PPM1H: variants seen among roughly 807,000 people sequenced by gnomAD.
PPM1H encodes protein phosphatase, Mg2+/Mn2+ dependent 1H.
In PPM1H, 27 loss-of-function variants were observed where a neutral mutation model predicts 54.9. That is an observed-to-expected ratio of 0.49 (90% CI 0.36 to 0.68). The LOEUF (loss-of-function observed/expected upper bound fraction) is 0.68. PPM1H is among the 30% of genes least tolerant of loss of function. PPM1H has a pLI of 0.00. For synonymous variants in PPM1H, 305 were observed against 270.8 expected, an observed-to-expected ratio of 1.13 and a Z score of -1.24; for missense variants, 596 against 667.8, an observed-to-expected ratio of 0.89 and a Z score of 1.19.
chr12:62,757,460 G>T (rs1177337568), intron 4 of PPM1H, among the ~76,000 whole-genome samples: 1 of 152,122 alleles, frequency 6.6e-6, no homozygotes, highest in East Asian at 1.9e-4. Flanking sequence ...GTTGCTTAGG[G>T]TTTAACTTCT....
intron 1 of PPM1H, among the ~76,000 whole-genome samples, chr12:62,920,434 C>T (rs1486287307): frequency 1.3e-5 from 2 of 151,518 alleles, no homozygotes; most frequent in Admixed American, 6.6e-5. Flanking sequence ...TCAGGTGATC[C>T]TCCCACCTCA....
At chr12:62,652,315 T>C (rs77424658) in intron 9 of PPM1H, among the ~76,000 whole-genome samples, 5,764 of 152,244 alleles carry the variant, frequency 0.038, 153 homozygotes, top group Non-Finnish European at 0.054. Flanking sequence ...TGGGGTCAAG[T>C]GATCCTCTCA....
intron 2 of PPM1H, among the ~76,000 whole-genome samples, chr12:62,804,178 G>T (rs529404012): frequency 2.2e-3 from 328 of 152,160 alleles, no homozygotes; most frequent in Middle Eastern, 3.4e-3. Flanking sequence ...CAAGAAAAAA[G>T]AAAAGGCCTA....
At chr12:62,687,939 G>A (rs934500362) in intron 8 of PPM1H, among the ~76,000 whole-genome samples, 10 of 150,934 alleles carry the variant, frequency 6.6e-5, no homozygotes, top group African/African-American at 2.2e-4. Flanking sequence ...AATCTGGGAG[G>A]TGGAGGGTGC....
intron 1 of PPM1H, among the ~76,000 whole-genome samples, chr12:62,845,061 A>G (rs1358960833): frequency 1.3e-5 from 2 of 152,092 alleles, no homozygotes; most frequent in Non-Finnish European, 2.9e-5. Context: ...ATAAGTTCTC[A>G]CCCTATTAAC....
chr12:62,824,052 T>C lies in PPM1H; in HGVS notation c.411+8062A>G, dbSNP rs916975151. On this transcript the variant is annotated intron_variant, in intron 2 of 9. Transcript: ENST00000228705. ...AAGCTGATAGGCAACTTCAGCAAAGTCTCAGGATACAAAATCAATGTACAA... is the reference window on the plus strand; with the variant it reads ...AAGCTGATAGGCAACTTCAGCAAAGCCTCAGGATACAAAATCAATGTACAA... Among the ~76,000 whole-genome samples the C allele has an allele frequency of 1.1e-4, 17 of 150,994 alleles. 1 individual carries two copies. The highest frequency in any genetic ancestry group is 1.3e-4 in the Admixed American group (2 of 15,124).
Position 62,924,885 on chromosome 12 carries a change from T to C in PPM1H, c.245+9607A>G, listed in dbSNP as rs149583472. Among the ~76,000 whole-genome samples, 855 of 151,568 alleles carry C rather than the reference T, an allele frequency of 5.6e-3. 11 individuals are homozygous for C. Among genetic ancestry groups the C allele is most frequent in the African/African-American group, 0.019 (805 of 41,322 alleles). ...GGCAAAACCCCATCTCTACCAAAAA[T>C]ACAAAAAATTAGCCAGGTGTGGTGG... On this transcript the variant is annotated intron_variant, in intron 1 of 9. Coordinates refer to ENST00000228705, the MANE Select transcript of PPM1H (RefSeq NM_020700.2).
At chr12:62,917,051 T>C (rs924459190) in intron 1 of PPM1H, among the ~76,000 whole-genome samples, 6 of 152,260 alleles carry the variant, frequency 3.9e-5, no homozygotes, top group African/African-American at 1.4e-4. Context: ...GCAAGCTTCC[T>C]GGTGCTTTTA....
intron 2 of PPM1H, among the ~76,000 whole-genome samples, chr12:62,802,699 C>T (rs11174655): frequency 7.6e-6 from 1 of 131,956 alleles, no homozygotes; most frequent in African/African-American, 2.5e-5. Flanking sequence ...CATGCCTCAG[C>T]CTCTGGAGTA....
intron 8 of PPM1H, among the ~76,000 whole-genome samples, chr12:62,682,082 T>C (rs2076021560): frequency 1.3e-5 from 2 of 152,316 alleles, no homozygotes; most frequent in South Asian, 4.1e-4. Flanking sequence ...CAGTCTAAGT[T>C]TTTTAACCAC....
chr12:62,659,826 C>T (rs79178170), intron 9 of PPM1H, among the ~76,000 whole-genome samples: 3,030 of 152,280 alleles, frequency 0.02, 78 homozygotes, highest in Non-Finnish European at 0.025. Flanking sequence ...CCCTTCTCAC[C>T]GGCTTTGTTC....
At chr12:62,718,524 T>C (rs528982350) in intron 6 of PPM1H, among the ~76,000 whole-genome samples, 2 of 152,290 alleles carry the variant, frequency 1.3e-5, no homozygotes, top group East Asian at 3.9e-4. Context: ...TTGTCTGGCA[T>C]CCCGTTTTCC....
chr12:62,910,916 G>T (rs757796099), intron 1 of PPM1H, among the ~76,000 whole-genome samples: 1 of 152,070 alleles, frequency 6.6e-6, no homozygotes, highest in African/African-American at 2.4e-5. Flanking sequence ...AATAATGGAA[G>T]GTTTAAATAA....
intron 6 of PPM1H, among the ~76,000 whole-genome samples, chr12:62,711,507 C>T (rs142197016): frequency 3.0e-3 from 454 of 152,294 alleles, no homozygotes; most frequent in Non-Finnish European, 4.0e-3. Context: ...AAGGACACTA[C>T]TTTAAGAGAG....
intron 8 of PPM1H, among the ~76,000 whole-genome samples, chr12:62,681,400 C>T (rs2076018333): frequency 6.6e-6 from 1 of 152,154 alleles, no homozygotes; most frequent in African/African-American, 2.4e-5. Flanking sequence ...CAGTCTCAGT[C>T]CTGCAATGAC....
At position 62,934,680 on chromosome 12, in the gene PPM1H, G is replaced by T. The variant is rs767980740; in HGVS notation, c.57C>A (p.Gly19=). The change falls in exon 1 of 10, where the codon GGC becomes GGA. Residue 19 remains glycine (G), a synonymous_variant. Coordinates refer to ENST00000228705, the MANE Select transcript of PPM1H (RefSeq NM_020700.2). The surrounding 1 kb of genome is among the most constrained non-coding windows in gnomAD (Gnocchi z 4.2). The stretch of plus-strand genomic sequence containing the variant: ...CGCCGCCGTGCTCGGAGCCTGAGCT[G>T]CCAGCCATGATGCCGCCCATGAAAT... ...VANFMGGIMA[G]SSGSEHGGGS... The T allele has an allele frequency of 1.2e-6, 2 of 1,607,304 alleles. No homozygotes were observed. The highest frequency in any genetic ancestry group is 1.7e-5 in the Admixed American group (1 of 59,662).
chr12:62,720,778 C>G (rs1033484019), intron 5 of PPM1H: 1 of 157,830 alleles, frequency 6.3e-6, no homozygotes, highest in Non-Finnish European at 1.4e-5. Context: ...TTCTGTTGGA[C>G]TCCCTCCAGT....
intron 1 of PPM1H, among the ~76,000 whole-genome samples, chr12:62,887,120 G>T (rs1308553118): frequency 6.6e-6 from 1 of 152,142 alleles, no homozygotes; most frequent in Non-Finnish European, 1.5e-5. Context: ...AAAGAGGGAG[G>T]TGCCATGTTT....
Position 62,647,845 on chromosome 12 carries a change from A to C in PPM1H, c.*644T>G, listed in dbSNP as rs979837627. ...CAGAACTTCCTTAGCAGGGTGTTGG[A>C]AAGTCCCAGGCCTGTTCTGTGGAAG... On this transcript the variant is annotated 3_prime_UTR_variant, in exon 10 of 10. Transcript: ENST00000228705. 6.6e-6 allele frequency: 1 copy of C among 151,694 alleles called. No homozygotes were observed. Among genetic ancestry groups the C allele is most frequent in the Non-Finnish European group, 1.5e-5 (1 of 68,020 alleles). The allele number at this position is 151,694 out of a possible 1,614,324, so 9.4% of individuals were successfully genotyped here. A position where few individuals can be genotyped will look rare whatever the true frequency, so the allele number is the denominator to read the frequency against.
Sources: allele counts gnomAD v4.1 joint callset (sites outside exome capture counted in the v4.1 genomes callset), GRCh38; gene constraint gnomAD v4.1.1; non-coding constraint Gnocchi (gnomAD v3.1); transcripts MANE v1.5; gene names NCBI Gene and HGNC (gene_info 2026-07-23, HGNC 2026-07-21).